The following NRG1 variants were observed in gnomAD, a reference collection of about 807,000 sequenced individuals.
The protein encoded by NRG1 is pro-neuregulin-1, membrane-bound isoform.
Under a neutral mutation model 63.8 loss-of-function variants are expected in NRG1, and 18 were observed. That is an observed-to-expected ratio of 0.28 (90% CI 0.19 to 0.42). The LOEUF (loss-of-function observed/expected upper bound fraction) is 0.42. Among genes scored for constraint, NRG1 ranks in the 10% least tolerant of loss-of-function variants. The probability of loss-of-function intolerance (pLI) is 1.00; values close to 1 mark genes in which losing one functional copy is unlikely to be tolerated. For synonymous variants in NRG1, 302 were observed against 301.3 expected, an observed-to-expected ratio of 1.00 and a Z score of -0.02; for missense variants, 762 against 814.7, an observed-to-expected ratio of 0.94 and a Z score of 0.79.
At chr8:32,652,663 C>A (rs1368832065) in intron 5 of NRG1, among the ~76,000 whole-genome samples, 1 of 151,890 alleles carries the variant, frequency 6.6e-6, no homozygotes, top group African/African-American at 2.4e-5. Flanking sequence ...TACAAACATA[C>A]AAAAAAAATC....
intron 1 of NRG1, among the ~76,000 whole-genome samples, chr8:32,439,222 T>C (rs1169138201): frequency 1.3e-5 from 2 of 152,186 alleles, no homozygotes; most frequent in East Asian, 3.8e-4. Flanking sequence ...TTAACAGTTA[T>C]TTTTTGCTCT....
chr8:32,404,818 C>T (rs1278407216), intron 1 of NRG1, among the ~76,000 whole-genome samples: 1 of 152,034 alleles, frequency 6.6e-6, no homozygotes, highest in Non-Finnish European at 1.5e-5. Flanking sequence ...CTCCTAATGT[C>T]AAGTGATCCA....
intron 1 of NRG1, among the ~76,000 whole-genome samples, chr8:32,014,057 A>G (rs532427081): frequency 7.0e-4 from 106 of 152,270 alleles, no homozygotes; most frequent in Middle Eastern, 3.4e-3. Context: ...AAATTATTTG[A>G]AATTTAAAGT....
chr8:32,020,986 C>T (rs1475370408), intron 1 of NRG1, among the ~76,000 whole-genome samples: 1 of 152,084 alleles, frequency 6.6e-6, no homozygotes, highest in Non-Finnish European at 1.5e-5. Context: ...TAGCATAATG[C>T]CTTGTCTCAA....
chr8:32,545,063 A>G (rs1588196048), upstream of NRG1, among the ~76,000 whole-genome samples: 1 of 152,236 alleles, frequency 6.6e-6, no homozygotes. Flanking sequence ...GTCAACATGC[A>G]TAATATTTTG....
At chr8:32,314,624 A>G (rs1287083365) in intron 1 of NRG1, among the ~76,000 whole-genome samples, 2 of 152,184 alleles carry the variant, frequency 1.3e-5, no homozygotes, top group African/African-American at 2.4e-5. Context: ...AAAGAGATTC[A>G]TTACTTCCTT....
At chr8:31,766,169 C>T (rs1818035690) in intron 1 of NRG1, among the ~76,000 whole-genome samples, 1 of 151,870 alleles carries the variant, frequency 6.6e-6, no homozygotes, top group Non-Finnish European at 1.5e-5. Flanking sequence ...ATTAACATAC[C>T]AGTAATAGTA....
chr8:32,020,823 T>C (rs920691994), intron 1 of NRG1, among the ~76,000 whole-genome samples: 2 of 152,228 alleles, frequency 1.3e-5, no homozygotes, highest in East Asian at 1.9e-4. Context: ...ACTGTTATAA[T>C]GCTTTAGTTT....
At chr8:32,477,518 T>G (rs1340262530) in intron 1 of NRG1, among the ~76,000 whole-genome samples, 4 of 152,214 alleles carry the variant, frequency 2.6e-5, no homozygotes, top group Non-Finnish European at 4.4e-5. Flanking sequence ...GATAGGAAGG[T>G]ATATTAACAA....
chr8:32,294,038 C>T (rs752473918), intron 1 of NRG1, among the ~76,000 whole-genome samples: 8 of 151,980 alleles, frequency 5.3e-5, no homozygotes, highest in South Asian at 2.1e-4. Context: ...TATTTCTTGA[C>T]GGCCATCCAT....
intron 7 of NRG1, among the ~76,000 whole-genome samples, chr8:32,748,362 G>C (rs78019072): frequency 0.23 from 21,519 of 93,612 alleles, 1,719 homozygotes; most frequent in East Asian, 0.33. Context: ...CACACACAGA[G>C]AGAGAGAGAG....
chr8:32,173,177 GC>G (rs200279749), intron 1 of NRG1, among the ~76,000 whole-genome samples: 3,146 of 152,184 alleles, frequency 0.021, 106 homozygotes, highest in African/African-American at 0.073. Flanking sequence ...GAGAGTGGGG[GC>G]CAATATTCAA....
chr8:31,728,009 G>A (rs2131339101), intron 1 of NRG1, among the ~76,000 whole-genome samples: 1 of 152,260 alleles, frequency 6.6e-6, no homozygotes. Context: ...GGAGGGGGCA[G>A]GACAGAGCGG....
In NRG1 at chr8:31,708,445, T is replaced by C. The variant is rs1811372138; in HGVS notation, c.37+69014T>C. Among the ~76,000 whole-genome samples the C allele has an allele frequency of 2.8e-5, 3 of 106,466 alleles. No homozygotes were observed. The Middle Eastern group carries it at 0.013, about 475-fold the overall frequency. The allele number at this position is 106,466 out of a possible 152,430, so 69.8% of individuals were successfully genotyped here. A position where few individuals can be genotyped will look rare whatever the true frequency, so the allele number is the denominator to read the frequency against. ...CTTGAGAAAGAAAAATAAACATAAT[T>C]GTTTTTTTTTTTTTTTTTGAGACGG... On this transcript the variant is annotated intron_variant, in intron 1 of 10. Transcript: ENST00000519301.
chr8:31,678,573 G>C (rs1030008704), intron 1 of NRG1, among the ~76,000 whole-genome samples: 11 of 151,338 alleles, frequency 7.3e-5, no homozygotes, highest in Middle Eastern at 3.4e-3. Flanking sequence ...ATATTTTTTT[G>C]ACAAGTCTGT....
chr8:32,408,112 C>T (rs1314656689), intron 1 of NRG1, among the ~76,000 whole-genome samples: 16 of 152,168 alleles, frequency 1.1e-4, no homozygotes, highest in Non-Finnish European at 2.4e-4. Flanking sequence ...TGGGTCATTT[C>T]TGAGACAATA....
chr8:31,943,920 G>A (rs773661085), intron 1 of NRG1, among the ~76,000 whole-genome samples: 10 of 152,168 alleles, frequency 6.6e-5, no homozygotes, highest in Admixed American at 1.3e-4. Flanking sequence ...CACATTTTGT[G>A]AGGTGGCTGT....
At chr8:32,283,174 A>G (rs760756210) in intron 1 of NRG1, among the ~76,000 whole-genome samples, 6 of 152,216 alleles carry the variant, frequency 3.9e-5, no homozygotes, top group Non-Finnish European at 8.8e-5. Flanking sequence ...CTTGGTTAAT[A>G]TAGTAAAATA....
intron 1 of NRG1, among the ~76,000 whole-genome samples, chr8:31,661,719 A>G (rs902680497): frequency 6.6e-6 from 1 of 152,226 alleles, no homozygotes; most frequent in East Asian, 1.9e-4. Context: ...AAAAAATGTC[A>G]TCTGGATGTC....
Sources: gnomAD v4.1 joint callset for allele counts (sites outside exome capture counted in the v4.1 genomes callset) on GRCh38, gnomAD v4.1.1 for gene constraint, MANE v1.5 for transcripts, NCBI Gene and HGNC (gene_info 2026-07-23, HGNC 2026-07-21) for gene names.